Variants in KAZN observed in about 807,000 individuals in gnomAD.
The protein encoded by KAZN is kazrin.
In KAZN, 40 loss-of-function variants were observed where a neutral mutation model predicts 87.4. That is an observed-to-expected ratio of 0.46 (90% CI 0.36 to 0.60). KAZN has a LOEUF of 0.60. Ranked by LOEUF, KAZN falls within the 20% of genes least tolerant of loss-of-function variation. The probability of loss-of-function intolerance (pLI) is 0.00; values close to 1 mark genes in which losing one functional copy is unlikely to be tolerated. For missense variants in KAZN, 898 were observed against 1,073.9 expected, an observed-to-expected ratio of 0.84 and a Z score of 2.29; for synonymous variants, 466 against 458.3, an observed-to-expected ratio of 1.02 and a Z score of -0.22.
chr1:14,443,555 C>A (rs770843417), intron 2 of KAZN, among the ~76,000 whole-genome samples: 13 of 152,220 alleles, frequency 8.5e-5, no homozygotes, highest in Non-Finnish European at 1.6e-4. Context: ...AGGCCCCTGG[C>A]CTTCCTGCCC....
At chr1:14,210,399 C>T (rs190465848) in intron 2 of KAZN, among the ~76,000 whole-genome samples, 10 of 152,278 alleles carry the variant, frequency 6.6e-5, no homozygotes, top group African/African-American at 2.2e-4. Flanking sequence ...TACCCAGTCT[C>T]GGGTATGTCT....
chr1:14,199,144 C>A (rs550338005), intron 2 of KAZN, among the ~76,000 whole-genome samples: 1 of 152,286 alleles, frequency 6.6e-6, no homozygotes, highest in South Asian at 2.1e-4. Context: ...CAAGTCCCTG[C>A]TTAAATACAG....
At chr1:14,070,167 C>CAAAAAAAAAA (rs61327562) in intron 1 of KAZN, among the ~76,000 whole-genome samples, 16 of 72,912 alleles carry the variant, frequency 2.2e-4, no homozygotes, top group Admixed American at 6.4e-4. Flanking sequence ...GACTCCATCT[C>CAAAAAAAAAA]AAAAAAAAAA....
chr1:14,492,130 A>G (rs1402583320), intron 2 of KAZN, among the ~76,000 whole-genome samples: 1 of 152,174 alleles, frequency 6.6e-6, no homozygotes, highest in Non-Finnish European at 1.5e-5. Flanking sequence ...AGTAGATCCT[A>G]GAAGGGCCTG....
chr1:13,948,333 T>C (rs1641220633), intron 1 of KAZN, among the ~76,000 whole-genome samples: 1 of 152,168 alleles, frequency 6.6e-6, no homozygotes, highest in East Asian at 1.9e-4. Context: ...TTCCCTATGC[T>C]GTTCCCCTGA....
At chr1:14,899,928 T>TC (rs1223609741) in intron 1 of KAZN, among the ~76,000 whole-genome samples, 1 of 152,238 alleles carries the variant, frequency 6.6e-6, no homozygotes, top group Non-Finnish European at 1.5e-5. Flanking sequence ...TGGCGCATAA[T>TC]CCTGCTTCCT....
In KAZN at chr1:14,106,966, G is replaced by A. The variant is rs1230485178; in HGVS notation, c.92-73469G>A. 8.3e-4 allele frequency among the ~76,000 whole-genome samples: 9 copies of A among 10,802 alleles called. 1 individual carries two copies. The highest frequency in any genetic ancestry group is 7.2e-3 in the South Asian group (2 of 276). The allele number at this position is 10,802 out of a possible 152,430, so 7.1% of individuals were successfully genotyped here. A position where few individuals can be genotyped will look rare whatever the true frequency, so the allele number is the denominator to read the frequency against. On this transcript the variant is annotated intron_variant, in intron 1 of 16. Transcript: ENST00000636203. Reference sequence around the variant, plus strand: ...CCTCCTTCCCCTTCCCTCCCTCCCCGTCCCTCCCTCCTTCTCTCCCTCCCT... The same window carrying A: ...CCTCCTTCCCCTTCCCTCCCTCCCCATCCCTCCCTCCTTCTCTCCCTCCCT...
intron 2 of KAZN, among the ~76,000 whole-genome samples, chr1:14,581,906 C>T (rs990679110): frequency 6.6e-6 from 1 of 152,144 alleles, no homozygotes; most frequent in Non-Finnish European, 1.5e-5. Context: ...TCCTTCTCCC[C>T]CTTCGTCCTT....
chr1:14,286,985 A>G (rs1029709777), intron 2 of KAZN, among the ~76,000 whole-genome samples: 2 of 152,092 alleles, frequency 1.3e-5, no homozygotes, highest in African/African-American at 4.8e-5. Flanking sequence ...ATTGAGGGAA[A>G]ATTTAATTTG....
chr1:14,666,619 G>A (rs1380906468), intron 1 of KAZN, among the ~76,000 whole-genome samples: 1 of 152,182 alleles, frequency 6.6e-6, no homozygotes, highest in Non-Finnish European at 1.5e-5. Flanking sequence ...TCTGGGGGAG[G>A]ATACTTCCTT....
intron 1 of KAZN, among the ~76,000 whole-genome samples, chr1:14,930,860 C>G (rs1444485792): frequency 1.3e-5 from 2 of 152,228 alleles, no homozygotes; most frequent in African/African-American, 4.8e-5. Context: ...AGGGGGGAAC[C>G]CTGGGGGCCC....
At chr1:14,594,087 G>T (rs747127654), upstream of KAZN, among the ~76,000 whole-genome samples, 1 of 152,160 alleles carries the variant, frequency 6.6e-6, no homozygotes. Flanking sequence ...ACCAAATAGC[G>T]TCATTCAATC....
At chr1:14,264,762 C>A (rs1313488369) in intron 2 of KAZN, among the ~76,000 whole-genome samples, 3 of 152,216 alleles carry the variant, frequency 2.0e-5, no homozygotes, top group Admixed American at 1.3e-4. Context: ...GGATTAAGTA[C>A]CTTTCATGCT....
intron 1 of KAZN, among the ~76,000 whole-genome samples, chr1:13,927,839 CA>C (rs1162862248): frequency 6.6e-6 from 1 of 152,162 alleles, no homozygotes; most frequent in African/African-American, 2.4e-5. Flanking sequence ...GGCTGCCCTG[CA>C]AGGGGCCACA....
rs769749909 is a variant in KAZN at position 15,094,930 on chromosome 1, G to T, written c.1544G>T (p.Arg515Leu). 2 of 1,548,220 alleles carry T rather than the reference G, an allele frequency of 1.3e-6. No individual in the cohort carries two copies. The highest frequency in any genetic ancestry group is 1.7e-6 in the Non-Finnish European group (2 of 1,145,004). Residue 515 changes from arginine (R) to leucine (L), a missense_variant, in exon 10 of 15, where the codon CGC becomes CTC. Physicochemically the swap from Arg to Leu is moderately radical, Grantham distance 102. Coordinates refer to ENST00000376030, the MANE Select transcript of KAZN (RefSeq NM_201628.3). The surrounding 1 kb of genome is among the most constrained non-coding windows in gnomAD (Gnocchi z 4.5). ...GACTACCGTGATGCCGAGGCAGGCCGCAGGTGAGCCCACCACGAGGGGCCC... is the reference window on the plus strand; with the variant it reads ...GACTACCGTGATGCCGAGGCAGGCCTCAGGTGAGCCCACCACGAGGGGCCC... The part of the protein sequence containing the change: ...IEDYRDAEAG[R>L]SLSKAAELDH...
chr1:14,338,504 A>G (rs12757078), intron 2 of KAZN, among the ~76,000 whole-genome samples: 5,199 of 141,864 alleles, frequency 0.037, 109 homozygotes, highest in Middle Eastern at 0.099. Flanking sequence ...AAAAAAAAAA[A>G]AGAGAGAGAG....
chr1:14,606,701 C>T (rs1386439491), intron 1 of KAZN, among the ~76,000 whole-genome samples: 1 of 152,080 alleles, frequency 6.6e-6, no homozygotes, highest in African/African-American at 2.4e-5. Context: ...CAAACAGATA[C>T]CTTCATGCTA....
At chr1:14,041,751 C>T (rs148430591) in intron 1 of KAZN, among the ~76,000 whole-genome samples, 38 of 152,340 alleles carry the variant, frequency 2.5e-4, no homozygotes, top group African/African-American at 9.1e-4. Context: ...GGACCTCCTT[C>T]CCTTGTAGTT....
At chr1:14,611,737 G>T (rs529580700) in intron 1 of KAZN, among the ~76,000 whole-genome samples, 1 of 151,838 alleles carries the variant, frequency 6.6e-6, no homozygotes, top group Non-Finnish European at 1.5e-5. Flanking sequence ...GGATATTATA[G>T]TTATTCATAT....
Sources: allele counts gnomAD v4.1 joint callset (sites outside exome capture counted in the v4.1 genomes callset), GRCh38; gene constraint gnomAD v4.1.1; non-coding constraint Gnocchi (gnomAD v3.1); transcripts MANE v1.5; gene names NCBI Gene and HGNC (gene_info 2026-07-23, HGNC 2026-07-21).